Variants in EPM2A observed in about 807,000 individuals in gnomAD.
The protein encoded by EPM2A is EPM2A glucan phosphatase, laforin, also known as laforin.
EPM2A carries 21 observed loss-of-function variants against 26.5 expected under a neutral mutation model. The ratio of observed to expected loss-of-function variants is 0.79; its 90% CI spans 0.56 to 1.14. The LOEUF (loss-of-function observed/expected upper bound fraction) is 1.14, where lower values mean the gene tolerates loss of function less well. EPM2A is among the 50% of genes most tolerant of loss of function. The probability of loss-of-function intolerance (pLI) is 0.00; values close to 1 mark genes in which losing one functional copy is unlikely to be tolerated. For missense variants in EPM2A, 458 were observed against 440.8 expected (o/e 1.04, Z -0.35); for synonymous variants, 217 against 177.6 (o/e 1.22, Z -1.76).
intron 2 of EPM2A, among the ~76,000 whole-genome samples, chr6:145,517,340 T>A (rs916287547): frequency 6.6e-6 from 1 of 151,182 alleles, no homozygotes; most frequent in African/African-American, 2.4e-5. Flanking sequence ...TCATTATGTG[T>A]TCTTACCAAA....
intron 2 of EPM2A, among the ~76,000 whole-genome samples, chr6:145,544,786 T>C (rs1457917459): frequency 5.3e-5 from 8 of 152,316 alleles, no homozygotes; most frequent in Middle Eastern, 3.4e-3. Flanking sequence ...AGTATTGCTT[T>C]TTTTGGAGAG....
At chr6:145,633,725 C>A (rs956777755) in intron 3 of EPM2A, 1 of 152,184 alleles carries the variant, frequency 6.6e-6, no homozygotes, top group African/African-American at 2.4e-5. Context: ...ACTTCCCTTG[C>A]AATTTGTAGG....
chr6:145,714,622 G>T (rs1018799662), intron 1 of EPM2A, among the ~76,000 whole-genome samples: 5 of 152,194 alleles, frequency 3.3e-5, no homozygotes, highest in African/African-American at 1.2e-4. Flanking sequence ...AAAGAAAGAG[G>T]TTTAATTGGA....
chr6:145,421,102 T>TG (rs1011478184), intron 4 of EPM2A, among the ~76,000 whole-genome samples: 24 of 152,184 alleles, frequency 1.6e-4, no homozygotes, highest in Non-Finnish European at 2.9e-5. Flanking sequence ...GAACCGAAGC[T>TG]GGGGTAACAC....
intron 2 of EPM2A, among the ~76,000 whole-genome samples, chr6:145,515,115 A>C (rs1780107446): frequency 6.6e-6 from 1 of 152,250 alleles, no homozygotes; most frequent in Non-Finnish European, 1.5e-5. Flanking sequence ...GAGGCCACTC[A>C]GTAGCCAAAG....
At chr6:145,678,076 C>G (rs1034883985) in intron 2 of EPM2A, among the ~76,000 whole-genome samples, 3 of 152,196 alleles carry the variant, frequency 2.0e-5, no homozygotes, top group Admixed American at 1.3e-4. Flanking sequence ...GGTACCAAAA[C>G]AGATTTATAG....
At chr6:145,683,301 G>T (rs1780677193) in intron 2 of EPM2A, among the ~76,000 whole-genome samples, 1 of 148,778 alleles carries the variant, frequency 6.7e-6, no homozygotes, top group African/African-American at 2.5e-5. Context: ...GTGTGTGTGT[G>T]TGTGTGAGTG....
At chr6:145,707,409 C>T (rs1010800819) in intron 1 of EPM2A, among the ~76,000 whole-genome samples, 4 of 152,158 alleles carry the variant, frequency 2.6e-5, no homozygotes, top group Non-Finnish European at 5.9e-5. Flanking sequence ...TTTATAGGAA[C>T]TAGGAAATCA....
At chr6:145,694,049 G>T (rs994566847) in intron 1 of EPM2A, among the ~76,000 whole-genome samples, 1 of 151,914 alleles carries the variant, frequency 6.6e-6, no homozygotes, top group Admixed American at 6.6e-5. Flanking sequence ...AATAAATCCA[G>T]AAGTTTTGAA....
intron 1 of EPM2A, among the ~76,000 whole-genome samples, chr6:145,711,037 G>A: frequency 6.6e-6 from 1 of 151,242 alleles, no homozygotes; most frequent in Admixed American, 6.6e-5. Context: ...CGAGTTAATG[G>A]GTGCAGCACA....
At chr6:145,629,228 C>T (rs567729453) in intron 3 of EPM2A, 2 of 152,406 alleles carry the variant, frequency 1.3e-5, no homozygotes, top group South Asian at 2.1e-4. Context: ...TGTTGCCATA[C>T]ACTGTTGTTC....
chr6:145,723,413 T>C (rs1216253181), intron 1 of EPM2A, among the ~76,000 whole-genome samples: 1 of 152,096 alleles, frequency 6.6e-6, no homozygotes, highest in African/African-American at 2.4e-5. Flanking sequence ...TAATTTAGAC[T>C]ATATACATAT....
At chr6:145,721,272 T>C (rs1308493496) in intron 1 of EPM2A, 1 of 152,186 alleles carries the variant, frequency 6.6e-6, no homozygotes, top group Non-Finnish European at 1.5e-5. Context: ...TTTAAAACCA[T>C]AAAGATCACG....
At chr6:145,522,043 C>T (rs1780208372) in intron 2 of EPM2A, among the ~76,000 whole-genome samples, 1 of 152,192 alleles carries the variant, frequency 6.6e-6, no homozygotes, top group Non-Finnish European at 1.5e-5. Context: ...AGCTCCACCT[C>T]CCGGGTTCAC....
intron 2 of EPM2A, among the ~76,000 whole-genome samples, chr6:145,596,205 C>G (rs1222750693): frequency 1.3e-5 from 2 of 152,172 alleles, no homozygotes; most frequent in Non-Finnish European, 2.9e-5. Context: ...CTAAACTACA[C>G]TATTAGATTT....
At chr6:145,498,216 T>C (rs1779845479), downstream of EPM2A, among the ~76,000 whole-genome samples, 1 of 152,182 alleles carries the variant, frequency 6.6e-6, no homozygotes, top group Admixed American at 6.5e-5. Flanking sequence ...AACACCAACC[T>C]GTCCTGGGAA....
chr6:145,631,468 T>A (rs968923527), intron 3 of EPM2A: 2 of 152,234 alleles, frequency 1.3e-5, no homozygotes. Flanking sequence ...TTCTACCCTC[T>A]GAGTTTCTGA....
chr6:145,546,856 T>C (rs1185918571), intron 2 of EPM2A, among the ~76,000 whole-genome samples: 1 of 152,158 alleles, frequency 6.6e-6, no homozygotes, highest in Admixed American at 6.6e-5. Context: ...AATACTTCTT[T>C]GTATACTAAA....
chr6:145,477,216 C>T (rs548292729), intron 4 of EPM2A, among the ~76,000 whole-genome samples: 1 of 151,702 alleles, frequency 6.6e-6, no homozygotes, highest in African/African-American at 2.4e-5. Flanking sequence ...TGCAACCTAC[C>T]AAGATTGAAC....
Sources: gnomAD v4.1 joint callset for allele counts (sites outside exome capture counted in the v4.1 genomes callset) on GRCh38, gnomAD v4.1.1 for gene constraint, MANE v1.5 for transcripts, NCBI Gene and HGNC (gene_info 2026-07-23, HGNC 2026-07-21) for gene names.